Variants in ST6GALNAC3 observed in about 807,000 individuals in gnomAD.
ST6GALNAC3 encodes ST6 N-acetylgalactosaminide alpha-2,6-sialyltransferase 3, also known as alpha-N-acetylgalactosaminide alpha-2,6-sialyltransferase 3.
ST6GALNAC3 carries 25 observed loss-of-function variants against 32.7 expected under a neutral mutation model. That is an observed-to-expected ratio of 0.76 (90% CI 0.56 to 1.07). The LOEUF (loss-of-function observed/expected upper bound fraction) is 1.07. Ranked by LOEUF, ST6GALNAC3 falls within the 50% of genes least tolerant of loss-of-function variation. The pLI is 0.00. For synonymous variants in ST6GALNAC3, 129 were observed against 133.1 expected, an observed-to-expected ratio of 0.97 and a Z score of 0.21; for missense variants, 355 against 382.4, an observed-to-expected ratio of 0.93 and a Z score of 0.60.
At chr1:76,214,112 C>G (rs924656031) in intron 1 of ST6GALNAC3, among the ~76,000 whole-genome samples, 7 of 152,200 alleles carry the variant, frequency 4.6e-5, no homozygotes, top group East Asian at 1.9e-4. Context: ...CTAGATTCCT[C>G]CCTAGCCGCA....
intron 3 of ST6GALNAC3, among the ~76,000 whole-genome samples, chr1:76,598,169 A>G (rs1647166964): frequency 6.6e-6 from 1 of 152,104 alleles, no homozygotes; most frequent in Non-Finnish European, 1.5e-5. Context: ...GAAGGGCACT[A>G]ATCCTATTCA....
chr1:76,591,805 G>A lies in ST6GALNAC3; in HGVS notation c.624-35647G>A, dbSNP rs527973373. Among the ~76,000 whole-genome samples the A allele has an allele frequency of 6.4e-4, 97 of 152,254 alleles. 1 individual carries two copies. Among genetic ancestry groups the A allele is most frequent in the African/African-American group, 2.3e-3 (94 of 41,564 alleles). On this transcript the variant is annotated intron_variant, in intron 3 of 4. Coordinates refer to ENST00000328299, the MANE Select transcript of ST6GALNAC3 (RefSeq NM_152996.4). ...CATATGTGAGCAGAATTTAAAGGAA[G>A]CCTAAGAAGGACGTTCCAGAAGAAC... is the stretch of plus-strand genomic sequence containing the variant.
At chr1:76,243,281 C>G (rs1023125453) in intron 1 of ST6GALNAC3, among the ~76,000 whole-genome samples, 3 of 152,090 alleles carry the variant, frequency 2.0e-5, no homozygotes, top group African/African-American at 7.2e-5. Flanking sequence ...ATATCCTTCG[C>G]CCACTTTTTG....
chr1:76,172,320 T>C (rs1296722542), intron 1 of ST6GALNAC3, among the ~76,000 whole-genome samples: 3 of 152,242 alleles, frequency 2.0e-5, no homozygotes, highest in Admixed American at 2.0e-4. Context: ...ATAAACTAGG[T>C]GTTGATGGAA....
At chr1:76,437,603 G>C (rs2101483374) in intron 3 of ST6GALNAC3, among the ~76,000 whole-genome samples, 1 of 140,552 alleles carries the variant, frequency 7.1e-6, no homozygotes, top group Admixed American at 7.6e-5. Flanking sequence ...TTTTGAGACG[G>C]AGTCTCGCTC....
At position 76,454,026 on chromosome 1, in the gene ST6GALNAC3, T is replaced by C. The variant is rs574265654; in HGVS notation, c.623+41609T>C. On this transcript the variant is annotated intron_variant, in intron 3 of 4. Coordinates refer to ENST00000328299, the MANE Select transcript of ST6GALNAC3 (RefSeq NM_152996.4). ...TGTTGGACAAGTCATTTTATCATTA[T>C]ATGATGCCTCTCTGTGTATTTTTTA... is the stretch of plus-strand genomic sequence containing the variant. 2.4e-4 allele frequency among the ~76,000 whole-genome samples: 36 copies of C among 152,330 alleles called. No individual in the cohort carries two copies. The South Asian group carries it at 7.0e-3, about 30-fold the overall frequency.
In ST6GALNAC3 at chr1:76,495,318, G is replaced by A. The variant is rs577875225; in HGVS notation, c.623+82901G>A. ...TGGCTGAGAAAACAGTATATTCTTC[G>A]TAATATTGTTGCAAATGAATCAGGC... On this transcript the variant is annotated intron_variant, in intron 3 of 4. Transcript: ENST00000328299. Among the ~76,000 whole-genome samples the A allele has an allele frequency of 2.6e-5, 4 of 151,972 alleles. No individual in the cohort carries two copies. In the South Asian group the frequency reaches 6.2e-4, roughly 24 times the overall value.
intron 2 of ST6GALNAC3, among the ~76,000 whole-genome samples, chr1:76,372,133 C>T (rs1385127054): frequency 1.3e-5 from 2 of 152,110 alleles, no homozygotes; most frequent in Admixed American, 1.3e-4. Flanking sequence ...TCGAGTGTGT[C>T]CTTGTTCCAT....
At chr1:76,156,208 A>C (rs1311506258) in intron 1 of ST6GALNAC3, among the ~76,000 whole-genome samples, 1 of 152,176 alleles carries the variant, frequency 6.6e-6, no homozygotes, top group East Asian at 1.9e-4. Flanking sequence ...TATTATTAAC[A>C]TGATTTAACG....
At chr1:76,265,383 CAA>C (rs1015731299) in intron 1 of ST6GALNAC3, among the ~76,000 whole-genome samples, 33 of 152,232 alleles carry the variant, frequency 2.2e-4, no homozygotes, top group African/African-American at 7.2e-4. Flanking sequence ...CATTTTAAAT[CAA>C]GACTACAAAA....
At chr1:76,211,625 G>A (rs1191879705) in intron 1 of ST6GALNAC3, among the ~76,000 whole-genome samples, 2 of 152,058 alleles carry the variant, frequency 1.3e-5, no homozygotes, top group Non-Finnish European at 2.9e-5. Context: ...ATGAGTTCAT[G>A]TCCTTTGTAG....
intron 3 of ST6GALNAC3, among the ~76,000 whole-genome samples, chr1:76,487,304 A>G (rs1329006891): frequency 6.6e-6 from 1 of 152,150 alleles, no homozygotes; most frequent in Non-Finnish European, 1.5e-5. Context: ...TCTCCTGGAT[A>G]ATATCCTGCA....
chr1:76,251,031 ATCT>A (rs1657579946), intron 1 of ST6GALNAC3, among the ~76,000 whole-genome samples: 1 of 152,102 alleles, frequency 6.6e-6, no homozygotes, highest in African/African-American at 2.4e-5. Flanking sequence ...CCTGTCACAC[ATCT>A]TTACATAGAA....
intron 3 of ST6GALNAC3, among the ~76,000 whole-genome samples, chr1:76,588,346 C>T (rs1646995806): frequency 6.6e-6 from 1 of 151,994 alleles, no homozygotes; most frequent in Non-Finnish European, 1.5e-5. Flanking sequence ...TTCTTGGTTT[C>T]TGCTTTTCTA....
At chr1:76,135,312 A>T (rs1649872980) in intron 1 of ST6GALNAC3, among the ~76,000 whole-genome samples, 1 of 152,144 alleles carries the variant, frequency 6.6e-6, no homozygotes, top group African/African-American at 2.4e-5. Flanking sequence ...CATTTGTGTT[A>T]ATCTATATTT....
chr1:76,339,293 G>T (rs949576117), intron 2 of ST6GALNAC3, among the ~76,000 whole-genome samples: 1 of 152,130 alleles, frequency 6.6e-6, no homozygotes, highest in Middle Eastern at 3.2e-3. Context: ...GAAGACAGGG[G>T]AGTCAGATTC....
intron 4 of ST6GALNAC3, 108 bp downstream of exon 4, chr1:76,627,667 T>G: frequency 1.1e-6 from 1 of 886,830 alleles, no homozygotes; most frequent in Non-Finnish European, 1.8e-6. Flanking sequence ...AAGCAACAAT[T>G]ATTTCCCAGT....
chr1:76,459,130 G>C (rs1300905496), intron 3 of ST6GALNAC3, among the ~76,000 whole-genome samples: 1 of 152,166 alleles, frequency 6.6e-6, no homozygotes, highest in Admixed American at 6.5e-5. Flanking sequence ...AAGTTTTATA[G>C]AAATAATCTC....
intron 3 of ST6GALNAC3, among the ~76,000 whole-genome samples, chr1:76,430,656 A>G (rs1359348565): frequency 6.6e-6 from 1 of 152,032 alleles, no homozygotes; most frequent in African/African-American, 2.4e-5. Flanking sequence ...CTCGCCCTGT[A>G]TCTTGCACTT....
Sources: gnomAD v4.1 joint callset for allele counts (sites outside exome capture counted in the v4.1 genomes callset) on GRCh38, gnomAD v4.1.1 for gene constraint, MANE v1.5 for transcripts, NCBI Gene and HGNC (gene_info 2026-07-23, HGNC 2026-07-21) for gene names.